SH3RF1: variants seen among roughly 807,000 people sequenced by gnomAD.
SH3RF1 encodes SH3 domain containing ring finger 1.
SH3RF1 carries 32 observed loss-of-function variants against 74.0 expected under a neutral mutation model. That is an observed-to-expected ratio of 0.43 (90% CI 0.33 to 0.58). The LOEUF (loss-of-function observed/expected upper bound fraction) is 0.58. SH3RF1 is among the 20% of genes least tolerant of loss of function. The pLI is 0.05. For synonymous variants in SH3RF1, 396 were observed against 439.6 expected (o/e 0.90, Z 1.24); for missense variants, 954 against 1,130.9 (o/e 0.84, Z 2.24).
In SH3RF1 at chr4:169,222,886, C is replaced by G. The variant is rs193151277; in HGVS notation, c.393+45934G>C. Among the ~76,000 whole-genome samples, 657 of 152,314 alleles carry G rather than the reference C, an allele frequency of 4.3e-3. 3 individuals are homozygous for G. The highest frequency in any genetic ancestry group is 6.4e-3 in the Non-Finnish European group (433 of 68,034). On this transcript the variant is annotated intron_variant, in intron 2 of 11. Transcript: ENST00000284637. ...AAACTCAGTTCTAAAATGGCAAGTT[C>G]TCAGCTGTCTATGAAGCCAAATGGG...
chr4:169,124,962 G>A (rs575268830), intron 6 of SH3RF1, among the ~76,000 whole-genome samples: 3 of 151,960 alleles, frequency 2.0e-5, no homozygotes, highest in African/African-American at 7.3e-5. Context: ...GCCAGCCCAG[G>A]CACCAGAGGC....
chr4:169,145,230 C>A (rs1181803287), intron 4 of SH3RF1, among the ~76,000 whole-genome samples: 1 of 152,078 alleles, frequency 6.6e-6, no homozygotes, highest in Admixed American at 6.6e-5. Context: ...GATATAAATG[C>A]AACAAAGGAT....
chr4:169,114,227 C>T lies in SH3RF1; in HGVS notation c.2139+2042G>A, dbSNP rs1371259924. On this transcript the variant is annotated intron_variant, in intron 10 of 11. Coordinates refer to ENST00000284637, the MANE Select transcript of SH3RF1 (RefSeq NM_020870.4). ...GGAGGCCACTGGGGAAGAATCTGTT[C>T]CCTTGTCTTTTCCAGATTCTAGAGG... Among the ~76,000 whole-genome samples the T allele has an allele frequency of 2.0e-5, 3 of 152,118 alleles. No homozygotes were observed. In the East Asian group the frequency reaches 5.8e-4, roughly 29 times the overall value.
At chr4:169,205,433 A>G (rs1730238340) in intron 2 of SH3RF1, among the ~76,000 whole-genome samples, 1 of 152,194 alleles carries the variant, frequency 6.6e-6, no homozygotes, top group South Asian at 2.1e-4. Context: ...AACTCTCCCA[A>G]GTGCTATCTC....
chr4:169,199,095 T>TA (rs1195908719), intron 2 of SH3RF1, among the ~76,000 whole-genome samples: 2 of 152,096 alleles, frequency 1.3e-5, no homozygotes, highest in Non-Finnish European at 2.9e-5. Flanking sequence ...AATACAATAA[T>TA]AAAGTCTAGG....
chr4:169,221,509 C>T (rs1043912552), intron 2 of SH3RF1, among the ~76,000 whole-genome samples: 1 of 152,150 alleles, frequency 6.6e-6, no homozygotes, highest in Non-Finnish European at 1.5e-5. Context: ...TAATCAGTTA[C>T]ACCAACAACT....
intron 2 of SH3RF1, among the ~76,000 whole-genome samples, chr4:169,203,004 T>C (rs563806829): frequency 3.8e-4 from 58 of 152,232 alleles, no homozygotes; most frequent in African/African-American, 1.4e-3. Flanking sequence ...AGACAGCTCT[T>C]GGAGAAAAAA....
chr4:169,109,554 A>G (rs1264628874), intron 10 of SH3RF1, among the ~76,000 whole-genome samples: 3 of 152,184 alleles, frequency 2.0e-5, no homozygotes, highest in Non-Finnish European at 4.4e-5. Flanking sequence ...TCCTAGTTCC[A>G]AGGAACCATG....
chr4:169,182,987 G>A (rs1318489385), intron 2 of SH3RF1, among the ~76,000 whole-genome samples: 3 of 152,110 alleles, frequency 2.0e-5, no homozygotes, highest in Admixed American at 6.5e-5. Flanking sequence ...TTTGAGACCC[G>A]GCTGAGCAAC....
chr4:169,253,196 C>T (rs543755489), intron 2 of SH3RF1, among the ~76,000 whole-genome samples: 5 of 152,204 alleles, frequency 3.3e-5, no homozygotes, highest in Admixed American at 6.5e-5. Flanking sequence ...GAAACCACAG[C>T]GTGGCACATT....
At chr4:169,144,342 C>T (rs1182045744) in intron 4 of SH3RF1, among the ~76,000 whole-genome samples, 1 of 152,144 alleles carries the variant, frequency 6.6e-6, no homozygotes, top group Non-Finnish European at 1.5e-5. Context: ...AGTACAATAC[C>T]TATTCTCAAC....
chr4:169,142,094 A>T (rs1292282891), intron 4 of SH3RF1, among the ~76,000 whole-genome samples: 1 of 152,108 alleles, frequency 6.6e-6, no homozygotes, highest in African/African-American at 2.4e-5. Flanking sequence ...CTGGGATTAC[A>T]GGTGTGAGCC....
intron 2 of SH3RF1, among the ~76,000 whole-genome samples, chr4:169,175,940 G>A (rs978586788): frequency 3.3e-5 from 5 of 152,188 alleles, no homozygotes; most frequent in Non-Finnish European, 5.9e-5. Context: ...CAGGGGATGA[G>A]GTCATGGGGT....
Position 169,116,705 on chromosome 4 carries a change from T to C in SH3RF1, c.1778-75A>G, listed in dbSNP as rs1733340605. 3.4e-6 allele frequency: 5 copies of C among 1,476,090 alleles called. No homozygotes were observed. The South Asian group carries it at 7.2e-5, about 21-fold the overall frequency. The allele number at this position is 1,476,090 out of a possible 1,614,324, so 91.4% of individuals were successfully genotyped here. On this transcript the variant is annotated intron_variant, in intron 9 of 11. Coordinates refer to ENST00000284637, the MANE Select transcript of SH3RF1 (RefSeq NM_020870.4). ...GCTGCTCACCAAAACATGAGTCATT[T>C]CACTGCATCAGACCATGATGAAAGG...
intron 6 of SH3RF1, among the ~76,000 whole-genome samples, chr4:169,125,812 G>T (rs1036098471): frequency 2.0e-5 from 3 of 152,206 alleles, no homozygotes; most frequent in Non-Finnish European, 4.4e-5. Flanking sequence ...GAACTCAGAT[G>T]CATGAATACT....
At chr4:169,140,397 T>C (rs1733764975) in intron 4 of SH3RF1, among the ~76,000 whole-genome samples, 1 of 152,228 alleles carries the variant, frequency 6.6e-6, no homozygotes, top group African/African-American at 2.4e-5. Flanking sequence ...TATCCTAAAA[T>C]ACCTTCTTCC....
intron 5 of SH3RF1, among the ~76,000 whole-genome samples, chr4:169,132,793 G>A (rs972888317): frequency 6.6e-6 from 1 of 152,054 alleles, no homozygotes; most frequent in African/African-American, 2.4e-5. Flanking sequence ...CACTCCTCTG[G>A]AGGCCAAAAA....
intron 2 of SH3RF1, among the ~76,000 whole-genome samples, chr4:169,252,649 A>G (rs991499649): frequency 2.0e-5 from 3 of 152,168 alleles, no homozygotes; most frequent in Non-Finnish European, 4.4e-5. Flanking sequence ...AACCTATTCT[A>G]TTTTTTTGGC....
At chr4:169,212,820 T>C (rs1183327293) in intron 2 of SH3RF1, among the ~76,000 whole-genome samples, 3 of 152,206 alleles carry the variant, frequency 2.0e-5, no homozygotes, top group Non-Finnish European at 4.4e-5. Context: ...CAGCATAATT[T>C]CAGTGTTCAA....
Sources: allele counts gnomAD v4.1 joint callset (sites outside exome capture counted in the v4.1 genomes callset), GRCh38; gene constraint gnomAD v4.1.1; transcripts MANE v1.5; gene names NCBI Gene and HGNC (gene_info 2026-07-23, HGNC 2026-07-21).